ARMC9: variants seen among roughly 807,000 people sequenced by gnomAD.
The protein encoded by ARMC9 is armadillo repeat containing 9.
A neutral mutation model predicts 107.0 loss-of-function variants in ARMC9; 94 were observed. The ratio of observed to expected loss-of-function variants is 0.88; its 90% CI spans 0.74 to 1.04. The LOEUF (loss-of-function observed/expected upper bound fraction) is 1.04. Among genes scored for constraint, ARMC9 ranks in the 50% least tolerant of loss-of-function variants. The probability of loss-of-function intolerance (pLI) is 0.00; values close to 1 mark genes in which losing one functional copy is unlikely to be tolerated. For synonymous variants in ARMC9, 380 were observed against 396.9 expected, an observed-to-expected ratio of 0.96 and a Z score of 0.51; for missense variants, 942 against 1,030.1, an observed-to-expected ratio of 0.91 and a Z score of 1.17.
intron 12 of ARMC9, chr2:231,270,556 T>C (rs1451412606): frequency 4.3e-6 from 2 of 460,574 alleles, no homozygotes; most frequent in Non-Finnish European, 9.0e-6. Flanking sequence ...AATTGTGGCG[T>C]TATCGTTTCT....
Position 231,218,091 on chromosome 2 carries a change from T to C in ARMC9, c.504+1298T>C, listed in dbSNP as rs1055333938. On this transcript the variant is annotated intron_variant, in intron 5 of 24. Coordinates refer to ENST00000611582, the MANE Select transcript of ARMC9 (RefSeq NM_001352754.2). ...TTCCAAATCCCAGTACATTTCAGCA[T>C]CCCATTCAGTTGTAATTCTGTAAAA... Among the ~76,000 whole-genome samples the C allele has an allele frequency of 2.6e-5, 4 of 152,220 alleles. No homozygotes were observed. The East Asian group carries it at 7.7e-4, about 29-fold the overall frequency.
intron 3 of ARMC9, among the ~76,000 whole-genome samples, chr2:231,212,002 G>A (rs949695755): frequency 2.6e-5 from 4 of 152,082 alleles, no homozygotes; most frequent in South Asian, 4.2e-4. Context: ...GAAGAAGAGT[G>A]GGGAAAAAAT....
rs142318607 is a variant in ARMC9, at chr2:231,239,478, G to T, written c.781-465G>T. On this transcript the variant is annotated intron_variant, in intron 8 of 24. Coordinates refer to ENST00000611582, the MANE Select transcript of ARMC9 (RefSeq NM_001352754.2). ...GGCATATCTGTGACCTCATTTACCT[G>T]CTCACTGTGGCTGTTACAATAAAGG... is the stretch of plus-strand genomic sequence containing the variant. 3.4e-3 allele frequency among the ~76,000 whole-genome samples: 511 copies of T among 152,330 alleles called. 6 individuals carry two copies. Among genetic ancestry groups the T allele is most frequent in the African/African-American group, 0.012 (490 of 41,580 alleles).
intron 6 of ARMC9, among the ~76,000 whole-genome samples, chr2:231,225,856 ATGAT>A (rs962983505): frequency 3.3e-5 from 5 of 152,150 alleles, no homozygotes; most frequent in Non-Finnish European, 5.9e-5. Flanking sequence ...ACATTGATTG[ATGAT>A]TGATTGATTG....
chr2:231,321,153 G>T (rs2042975861), intron 19 of ARMC9, among the ~76,000 whole-genome samples: 1 of 152,254 alleles, frequency 6.6e-6, no homozygotes, highest in Non-Finnish European at 1.5e-5. Context: ...CATGTCAAGT[G>T]CCAGGCAGAC....
At chr2:231,271,176 C>G (rs2039299592) in intron 13 of ARMC9, 104 bp downstream of exon 13, 1 of 1,091,808 alleles carries the variant, frequency 9.2e-7, no homozygotes, top group South Asian at 1.4e-5. Flanking sequence ...ATGACGCTTC[C>G]TCAGTTTGTT....
At chr2:231,354,026 A>AT (rs2045227604) in intron 21 of ARMC9, among the ~76,000 whole-genome samples, 1 of 151,706 alleles carries the variant, frequency 6.6e-6, no homozygotes, top group Non-Finnish European at 1.5e-5. Flanking sequence ...CCATATATAG[A>AT]TATATAGATT....
At chr2:231,243,282 G>A (rs987644945) in intron 9 of ARMC9, among the ~76,000 whole-genome samples, 2 of 151,300 alleles carry the variant, frequency 1.3e-5, no homozygotes, top group African/African-American at 2.4e-5. Context: ...GCTTGGTGGT[G>A]CGTGGCTGTA....
chr2:231,373,412 G>A lies in ARMC9; in HGVS notation c.*1877G>A, dbSNP rs149057055. ...ACAGCCTTTCCCGCCCTTGGTGTGG[G>A]AGCAGCAGAAGTCCAGCGGGGGTGG... On this transcript the variant is annotated 3_prime_UTR_variant, in exon 25 of 25. Coordinates refer to ENST00000611582, the MANE Select transcript of ARMC9 (RefSeq NM_001352754.2). This position sits in a 1 kb window ranked among gnomAD's most constrained non-coding sequence, Gnocchi z 4.4. 685 of 152,418 alleles carry A rather than the reference G, an allele frequency of 4.5e-3. 2 individuals carry two copies. The highest frequency in any genetic ancestry group is 7.9e-3 in the Admixed American group (121 of 15,308). 9.4% of individuals were successfully genotyped at this position (152,418 alleles called of 1,614,324 possible).
chr2:231,250,954 G>A (rs931315218), intron 9 of ARMC9, among the ~76,000 whole-genome samples: 1 of 152,146 alleles, frequency 6.6e-6, no homozygotes, highest in Non-Finnish European at 1.5e-5. Flanking sequence ...TCCTACAGTG[G>A]CATGCCTGGT....
intron 3 of ARMC9, among the ~76,000 whole-genome samples, chr2:231,213,202 T>G (rs896582626): frequency 2.6e-5 from 4 of 151,744 alleles, no homozygotes; most frequent in African/African-American, 9.7e-5. Flanking sequence ...CTCATTCTGT[T>G]GCTTAGGCTG....
chr2:231,313,782 G>A (rs560560509), intron 19 of ARMC9, among the ~76,000 whole-genome samples: 1 of 151,798 alleles, frequency 6.6e-6, no homozygotes, highest in Admixed American at 6.6e-5. Flanking sequence ...GAGACAGGGT[G>A]TCACTCTTGT....
intron 14 of ARMC9, among the ~76,000 whole-genome samples, chr2:231,275,357 TC>T (rs1163229418): frequency 6.6e-6 from 1 of 152,212 alleles, no homozygotes; most frequent in Non-Finnish European, 1.5e-5. Flanking sequence ...ATGTCAGTTT[TC>T]TACTAATCCA....
chr2:231,309,186 C>T (rs1044827876), intron 19 of ARMC9, among the ~76,000 whole-genome samples: 2 of 152,212 alleles, frequency 1.3e-5, no homozygotes, highest in South Asian at 4.1e-4. Flanking sequence ...ACTCATGGCT[C>T]CTGCCCTCAT....
intron 12 of ARMC9, among the ~76,000 whole-genome samples, chr2:231,269,880 C>G (rs763306205): frequency 1.0e-4 from 15 of 148,778 alleles, no homozygotes; most frequent in Middle Eastern, 3.4e-3. Flanking sequence ...CACCCTCCCC[C>G]CCTATTTGTT....
intron 3 of ARMC9, among the ~76,000 whole-genome samples, chr2:231,210,004 T>A (rs1473070515): frequency 1.3e-5 from 2 of 152,228 alleles, no homozygotes; most frequent in African/African-American, 2.4e-5. Context: ...AACAGATTTT[T>A]AAATTTTAAC....
Position 231,371,524 on chromosome 2 carries a change from C to T in ARMC9, c.2446C>T (p.His816Tyr). ...GCTTTTCTCTCCAGGCAGCCAGTCT[C>T]ACAGGAAGTAAGGATGTCCCCGGGT... ...STRGLPSSQS[H>Y]RK is the part of the protein sequence containing the mutation. The change falls in exon 25 of 25, where the codon CAC becomes TAC. Residue 816 changes from histidine (H) to tyrosine (Y), a missense_variant. Transcript: ENST00000611582. 1.6e-6 allele frequency: 2 copies of T among 1,238,356 alleles called. No individual in the cohort carries two copies. Among genetic ancestry groups the T allele is most frequent in the Non-Finnish European group, 2.0e-6 (2 of 990,814 alleles). The allele number at this position is 1,238,356 out of a possible 1,614,324, so 76.7% of individuals were successfully genotyped here.
At chr2:231,350,984 A>G (rs1422204744) in intron 21 of ARMC9, among the ~76,000 whole-genome samples, 1 of 93,020 alleles carries the variant, frequency 1.1e-5, no homozygotes, top group Non-Finnish European at 1.9e-5. Context: ...TTTGAGACAG[A>G]GTCTCGCTCT....
In ARMC9 at chr2:231,262,396, C is replaced by A; in HGVS notation, c.1117C>A (p.Gln373Lys). Residue 373 changes from glutamine to lysine, a missense_variant and splice_region_variant, in exon 12 of 25, where the codon CAG becomes AAG. Transcript: ENST00000611582. ...NDLLDCYSHNQRSVLQLLHST... is the reference protein window; with the variant it reads ...NDLLDCYSHNKRSVLQLLHST... Reference sequence around the variant, plus strand: ...CCTCTTGGACTGTTATAGCCACAACCAGGTTGGTAAGAGGTGGGGCCAGAT... The same window carrying A: ...CCTCTTGGACTGTTATAGCCACAACAAGGTTGGTAAGAGGTGGGGCCAGAT... 6.2e-7 allele frequency: 1 copy of A among 1,613,954 alleles called. No homozygotes were observed. Among genetic ancestry groups the A allele is most frequent in the African/African-American group, 1.3e-5 (1 of 75,016 alleles).
Sources: gnomAD v4.1 joint callset for allele counts (sites outside exome capture counted in the v4.1 genomes callset) on GRCh38, gnomAD v4.1.1 for gene constraint, Gnocchi (gnomAD v3.1) non-coding constraint, MANE v1.5 for transcripts, NCBI Gene and HGNC (gene_info 2026-07-23, HGNC 2026-07-21) for gene names.